RTN4RL1: variants seen among roughly 807,000 people sequenced by gnomAD.
RTN4RL1 encodes reticulon-4 receptor-like 1.
Under a neutral mutation model 25.6 loss-of-function variants are expected in RTN4RL1, and 7 were observed. The ratio of observed to expected loss-of-function variants is 0.27; its 90% CI spans 0.16 to 0.51. RTN4RL1 has a LOEUF of 0.51. RTN4RL1 is among the 20% of genes least tolerant of loss of function. RTN4RL1 has a pLI of 0.97. For synonymous variants in RTN4RL1, 297 were observed against 288.2 expected (o/e 1.03, Z -0.31); for missense variants, 500 against 615.6 (o/e 0.81, Z 1.99).
intron 1 of RTN4RL1, among the ~76,000 whole-genome samples, chr17:1,962,469 C>T (rs2066769183): frequency 1.3e-5 from 2 of 151,922 alleles, no homozygotes; most frequent in African/African-American, 4.8e-5. Context: ...GTGATTCTCC[C>T]TGCCTCAGCC....
At position 1,936,274 on chromosome 17, in the gene RTN4RL1, G is replaced by C; in HGVS notation, c.*222C>G. ...CTGTCCGTGGGCGCTCTGCGGGGCT[G>C]GCTGGGACAGCCGGCTGAGAAGCGC... On this transcript the variant is annotated 3_prime_UTR_variant, in exon 2 of 2. Coordinates refer to ENST00000331238, the MANE Select transcript of RTN4RL1 (RefSeq NM_178568.4). 7.3e-7 allele frequency: 1 copy of C among 1,376,586 alleles called. No individual in the cohort carries two copies. 85.3% of individuals were successfully genotyped at this position (1,376,586 alleles called of 1,614,324 possible).
intron 1 of RTN4RL1, among the ~76,000 whole-genome samples, chr17:1,961,771 T>TAAA (rs2066762788): frequency 2.1e-4 from 3 of 14,564 alleles, no homozygotes; most frequent in Non-Finnish European, 4.0e-4. Context: ...CCACTAAAAA[T>TAAA]ACAAAAAAAA....
chr17:1,940,828 G>C (rs543310043), intron 1 of RTN4RL1, among the ~76,000 whole-genome samples: 1 of 152,248 alleles, frequency 6.6e-6, no homozygotes, highest in South Asian at 2.1e-4. Flanking sequence ...CCACCCTGAG[G>C]GAGCCAGGGT....
intron 1 of RTN4RL1, among the ~76,000 whole-genome samples, chr17:1,938,148 G>A (rs887519214): frequency 6.6e-6 from 1 of 152,178 alleles, no homozygotes; most frequent in African/African-American, 2.4e-5. Context: ...TCATGACCCA[G>A]GGACACAGCC....
chr17:1,980,230 ATT>A (rs34130716), intron 1 of RTN4RL1, among the ~76,000 whole-genome samples: 44 of 126,380 alleles, frequency 3.5e-4, no homozygotes, highest in African/African-American at 6.2e-4. Flanking sequence ...CGCTCAGCTA[ATT>A]TTTTTTTTTT....
At position 1,935,501 on chromosome 17, in the gene RTN4RL1, C is replaced by G; in HGVS notation, c.*995G>C. ...GCCTCCCCCTTCCTCACCGTCCCGCCGACACCTTGCCCCAGGCCCTTGGCA... is the reference window on the plus strand; with the variant it reads ...GCCTCCCCCTTCCTCACCGTCCCGCGGACACCTTGCCCCAGGCCCTTGGCA... On this transcript the variant is annotated 3_prime_UTR_variant, in exon 2 of 2. Transcript: ENST00000331238. 1.0e-6 allele frequency: 1 copy of G among 982,404 alleles called. No individual in the cohort carries two copies. The highest frequency in any genetic ancestry group is 1.2e-6 in the Non-Finnish European group (1 of 826,934). 60.9% of individuals were successfully genotyped at this position (982,404 alleles called of 1,614,324 possible).
rs1249601474 is a variant in RTN4RL1, at chr17:1,946,492, G to A, written c.14-8684C>T. On this transcript the variant is annotated intron_variant, in intron 1 of 1. Coordinates refer to ENST00000331238, the MANE Select transcript of RTN4RL1 (RefSeq NM_178568.4). ...ATCTATGTTGAATGTGTGTCTGTGG[G>A]TGCACGGGGTCTGCGTGGATCTATG... Among the ~76,000 whole-genome samples, 3 of 152,294 alleles carry A rather than the reference G, an allele frequency of 2.0e-5. No homozygotes were observed. In the East Asian group the frequency reaches 5.8e-4, roughly 29 times the overall value.
At chr17:1,989,489 G>A (rs1051906175) in intron 1 of RTN4RL1, among the ~76,000 whole-genome samples, 5 of 152,158 alleles carry the variant, frequency 3.3e-5, no homozygotes, top group African/African-American at 9.7e-5. Flanking sequence ...CCAGCTGCTG[G>A]ATCACAGGCT....
At chr17:2,012,314 G>A (rs538973523) in intron 1 of RTN4RL1, among the ~76,000 whole-genome samples, 6 of 152,340 alleles carry the variant, frequency 3.9e-5, no homozygotes, top group South Asian at 4.1e-4. Context: ...CAGTCTTTCC[G>A]TGCCTGCTGG....
chr17:1,946,912 G>A (rs1175392628), intron 1 of RTN4RL1, among the ~76,000 whole-genome samples: 2 of 147,304 alleles, frequency 1.4e-5, no homozygotes, highest in Admixed American at 6.8e-5. Flanking sequence ...GTGTATGCAC[G>A]TGTGTCTGTG....
In RTN4RL1 at chr17:1,936,308, C is replaced by T. The variant is rs1267021820; in HGVS notation, c.*188G>A. ...AGCCGGCTGAGAAGCGCCACCCCCT[C>T]CCGCCTAGGGCTGTACACTTTGGGT... On this transcript the variant is annotated 3_prime_UTR_variant, in exon 2 of 2. Coordinates refer to ENST00000331238, the MANE Select transcript of RTN4RL1 (RefSeq NM_178568.4). 7.2e-7 allele frequency: 1 copy of T among 1,379,350 alleles called. No individual in the cohort carries two copies. The highest frequency in any genetic ancestry group is 9.3e-7 in the Non-Finnish European group (1 of 1,073,972). 85.4% of individuals were successfully genotyped at this position (1,379,350 alleles called of 1,614,324 possible). A position where few individuals can be genotyped will look rare whatever the true frequency, so the allele number is the denominator to read the frequency against.
chr17:1,999,142 TAC>T (rs147931732), intron 1 of RTN4RL1, among the ~76,000 whole-genome samples: 40 of 147,870 alleles, frequency 2.7e-4, no homozygotes, highest in East Asian at 6.2e-4. Flanking sequence ...GTGCTCATCA[TAC>T]ACACACACAC....
At chr17:1,940,710 C>T (rs947641551) in intron 1 of RTN4RL1, among the ~76,000 whole-genome samples, 6 of 152,140 alleles carry the variant, frequency 3.9e-5, no homozygotes, top group South Asian at 4.1e-4. Context: ...CGACACTCCC[C>T]GTCTCTCTCA....
At chr17:1,962,594 G>A (rs1288735947) in intron 1 of RTN4RL1, among the ~76,000 whole-genome samples, 1 of 151,976 alleles carries the variant, frequency 6.6e-6, no homozygotes, top group East Asian at 2.0e-4. Context: ...GCCAGGGGTG[G>A]TGGCTCACAC....
rs146850241 is a variant in RTN4RL1, at chr17:1,980,103, G to C, written c.14-42295C>G. 7.6e-3 allele frequency among the ~76,000 whole-genome samples: 1,155 copies of C among 151,754 alleles called. 43 individuals are homozygous for C. The highest frequency in any genetic ancestry group is 0.027 in the African/African-American group (1,107 of 41,272). On this transcript the variant is annotated intron_variant, in intron 1 of 1. Coordinates refer to ENST00000331238, the MANE Select transcript of RTN4RL1 (RefSeq NM_178568.4). Reference sequence around the variant, plus strand: ...GTTTGAGACAGGGCCTCACTCCGTCGCCCAGCCTGGAGTGCAGTGCCACAA... The same window carrying C: ...GTTTGAGACAGGGCCTCACTCCGTCCCCCAGCCTGGAGTGCAGTGCCACAA...
intron 1 of RTN4RL1, among the ~76,000 whole-genome samples, chr17:1,955,210 C>G (rs1485725411): frequency 2.6e-5 from 4 of 152,182 alleles, no homozygotes; most frequent in African/African-American, 9.6e-5. Flanking sequence ...AACCCTATTT[C>G]TCCCTGTAAG....
intron 1 of RTN4RL1, among the ~76,000 whole-genome samples, chr17:2,022,073 A>G (rs1313494798): frequency 2.7e-5 from 4 of 150,932 alleles, no homozygotes; most frequent in Admixed American, 2.6e-4. Flanking sequence ...CCAGCACTTC[A>G]GGAGGCCGAG....
chr17:1,964,298 A>G (rs986957928), intron 1 of RTN4RL1, among the ~76,000 whole-genome samples: 1 of 152,244 alleles, frequency 6.6e-6, no homozygotes, highest in African/African-American at 2.4e-5. Context: ...AAATATAAAA[A>G]TATTTTAGGC....
At chr17:1,983,510 C>G (rs2066875963) in intron 1 of RTN4RL1, among the ~76,000 whole-genome samples, 1 of 152,212 alleles carries the variant, frequency 6.6e-6, no homozygotes. Context: ...GCGATCCTCC[C>G]ACCTCAGCCA....
Sources: gnomAD v4.1 joint callset for allele counts (sites outside exome capture counted in the v4.1 genomes callset) on GRCh38, gnomAD v4.1.1 for gene constraint, MANE v1.5 for transcripts, NCBI Gene and HGNC (gene_info 2026-07-23, HGNC 2026-07-21) for gene names.